SMIM17: variants seen among roughly 807,000 people sequenced by gnomAD.
SMIM17 encodes small integral membrane protein 17.
In SMIM17, 10 loss-of-function variants were observed where a neutral mutation model predicts 12.2. That is an observed-to-expected ratio of 0.82 (90% confidence interval 0.50 to 1.39). The LOEUF is 1.39. Ranked by LOEUF, SMIM17 falls within the 40% of genes most tolerant of loss-of-function variation. The pLI, the probability that SMIM17 is intolerant of heterozygous loss-of-function variation, is 0.00. For synonymous variants in SMIM17, 50 were observed against 44.1 expected (o/e 1.13, Z -0.53); for missense variants, 136 against 118.2 (o/e 1.15, Z -0.70).
At chr19:56,652,633 T>A (rs2148044068) in intron 3 of SMIM17, among the ~76,000 whole-genome samples, 1 of 149,622 alleles carries the variant, frequency 6.7e-6, no homozygotes, top group East Asian at 2.0e-4. Flanking sequence ...GCCTGGGCGA[T>A]ACAGCGAGAC....
Position 56,655,670 on chromosome 19 carries a change from A to C in SMIM17, c.*457A>C, listed in dbSNP as rs1158652942. On this transcript the variant is annotated 3_prime_UTR_variant, in exon 4 of 4. Coordinates refer to ENST00000598409, the MANE Select transcript of SMIM17 (RefSeq NM_001193628.2). ...ATTCTTGCCTCTATCTTCACATGTG[A>C]GATTGGTGCTATCTTTGTGAAGTTT... 6.3e-6 allele frequency: 1 copy of C among 159,218 alleles called. No individual in the cohort carries two copies. Among genetic ancestry groups the C allele is most frequent in the Non-Finnish European group, 1.4e-5 (1 of 73,022 alleles). 9.9% of individuals were successfully genotyped at this position (159,218 alleles called of 1,614,324 possible).
chr19:56,649,412 G>A (rs2045092397), intron 3 of SMIM17, among the ~76,000 whole-genome samples: 1 of 152,054 alleles, frequency 6.6e-6, no homozygotes, highest in African/African-American at 2.4e-5. Context: ...GGAGCTCACA[G>A]TCACCGAGGT....
intron 2 of SMIM17, among the ~76,000 whole-genome samples, 188 bp from the exon 3 acceptor site, chr19:56,647,370 T>G (rs201156933): frequency 1.0e-4 from 15 of 148,292 alleles, no homozygotes; most frequent in African/African-American, 2.4e-4. Flanking sequence ...TGTGTGTGTG[T>G]GGGGTTGTGT....
chr19:56,650,963 A>T (rs1423196910), intron 3 of SMIM17, among the ~76,000 whole-genome samples: 1 of 150,660 alleles, frequency 6.6e-6, no homozygotes, highest in Non-Finnish European at 1.5e-5. Context: ...GATGGAGCAC[A>T]CACCAGGGGG....
Position 56,654,668 on chromosome 19 carries a change from T to C in SMIM17, c.247-435T>C, listed in dbSNP as rs1244175626. On this transcript the variant is annotated intron_variant, in intron 3 of 3. Transcript: ENST00000598409. ...GGAAAACTGCATGAGGAGCTTTTTTTTGTGGGGGACATTACAATATTTGTT... is the reference window on the plus strand; with the variant it reads ...GGAAAACTGCATGAGGAGCTTTTTTCTGTGGGGGACATTACAATATTTGTT... 3.9e-5 allele frequency among the ~76,000 whole-genome samples: 6 copies of C among 152,004 alleles called. No individual in the cohort carries two copies. The East Asian group carries it at 7.7e-4, about 20-fold the overall frequency.
chr19:56,652,545 C>T lies in SMIM17; in HGVS notation c.247-2558C>T, dbSNP rs190598385. Among the ~76,000 whole-genome samples, 31 of 151,964 alleles carry T rather than the reference C, an allele frequency of 2.0e-4. No individual in the cohort carries two copies. In the East Asian group the frequency reaches 5.3e-3, roughly 26 times the overall value. On this transcript the variant is annotated intron_variant, in intron 3 of 3. Transcript: ENST00000598409. ...GCGGATGCCTGTAATCCCAGCTACT[C>T]GGGAGGCTGAGGCAGAGAATTGCTT...
rs10415644 is a variant in SMIM17 at position 56,656,013 on chromosome 19, G to A, written c.*800G>A. ...GTCACCCAGTCTGGAGTGCAGTGGC[G>A]CCATCTCGGCTCACTGTAAGCAGAG... On this transcript the variant is annotated 3_prime_UTR_variant, in exon 4 of 4. Transcript: ENST00000598409. Among the ~76,000 whole-genome samples the A allele has an allele frequency of 0.47, 69,379 of 148,396 alleles. 16,509 individuals are homozygous for A. The highest frequency in any genetic ancestry group is 0.64 in the East Asian group (3,181 of 5,008).
intron 1 of SMIM17, among the ~76,000 whole-genome samples, chr19:56,644,885 A>G (rs908592177): frequency 6.6e-6 from 1 of 152,196 alleles, no homozygotes; most frequent in Non-Finnish European, 1.5e-5. Flanking sequence ...GGATCCTTCC[A>G]ATATCTGAGA....
intron 3 of SMIM17, 137 bp downstream of exon 3, chr19:56,647,771 G>A: frequency 2.1e-5 from 15 of 725,070 alleles, no homozygotes; most frequent in Non-Finnish European, 3.0e-5. Flanking sequence ...TGATCTCTAT[G>A]GTGATCAGAC....
At chr19:56,645,973 G>T (rs1162158515) in intron 2 of SMIM17, 137 bp downstream of exon 2, 2 of 1,019,838 alleles carry the variant, frequency 2.0e-6, no homozygotes, top group Non-Finnish European at 2.7e-6. Flanking sequence ...GTCAGCTTTT[G>T]CTGTGTAACA....
chr19:56,649,272 G>T (rs12608576), intron 3 of SMIM17, among the ~76,000 whole-genome samples: 47,290 of 151,984 alleles, frequency 0.31, 8,872 homozygotes, highest in East Asian at 0.64. Flanking sequence ...TGGGAGGTTT[G>T]GGTGAAAATA....
chr19:56,648,131 T>TATCCATCC (rs35121437), intron 3 of SMIM17, among the ~76,000 whole-genome samples: 33 of 129,310 alleles, frequency 2.6e-4, no homozygotes, highest in African/African-American at 4.9e-4. Context: ...TTTATCCACT[T>TATCCATCC]ATCCATCCAT....
intron 3 of SMIM17, among the ~76,000 whole-genome samples, chr19:56,654,808 T>C (rs915420009): frequency 2.0e-5 from 3 of 152,312 alleles, no homozygotes; most frequent in Admixed American, 6.5e-5. Flanking sequence ...CACACACATA[T>C]CTCTTGAGGG....
At chr19:56,648,206 G>T (rs1212320598) in intron 3 of SMIM17, among the ~76,000 whole-genome samples, 2 of 129,140 alleles carry the variant, frequency 1.5e-5, no homozygotes, top group African/African-American at 6.1e-5. Context: ...CTATACCTCA[G>T]CTGTCTATCC....
Position 56,647,554 on chromosome 19 carries a change from C to G in SMIM17, c.170-4C>G. 1 of 1,535,362 alleles carries G rather than the reference C, an allele frequency of 6.5e-7. No individual in the cohort carries two copies. The highest frequency in any genetic ancestry group is 8.7e-7 in the Non-Finnish European group (1 of 1,146,510). ...CTTTTTCCTCCACTCCCACCCTCAC[C>G]CAGACCTGTCTTCTCAAGAGACTGG... On this transcript the variant is annotated splice_region_variant and splice_polypyrimidine_tract_variant and intron_variant, in intron 2 of 3. Transcript: ENST00000598409.
At chr19:56,645,918 T>A in intron 2 of SMIM17, 82 bp downstream of exon 2, 1 of 1,363,072 alleles carries the variant, frequency 7.3e-7, no homozygotes, top group Non-Finnish European at 9.7e-7. Flanking sequence ...AAACATTCAC[T>A]CCTTCACTCA....
At chr19:56,645,237 GTGTA>G (rs1439638341) in intron 1 of SMIM17, among the ~76,000 whole-genome samples, 4 of 152,056 alleles carry the variant, frequency 2.6e-5, no homozygotes, top group Non-Finnish European at 5.9e-5. Context: ...GTTAGTGTGT[GTGTA>G]TGTGACTGTG....
rs10413937 is a variant in SMIM17 at position 56,655,465 on chromosome 19, A to G, written c.*252A>G. 0.074 allele frequency: 30,069 copies of G among 408,390 alleles called. 1,795 individuals carry two copies. Among genetic ancestry groups the G allele is most frequent in the African/African-American group, 0.22 (10,795 of 48,918 alleles). 25.3% of individuals were successfully genotyped at this position (408,390 alleles called of 1,614,324 possible). A position where few individuals can be genotyped will look rare whatever the true frequency, so the allele number is the denominator to read the frequency against. ...CACGGAGAAAGAAAAGTGCTAATTA[A>G]TCATTAAGATGCCACCAACTGGAAG... On this transcript the variant is annotated 3_prime_UTR_variant, in exon 4 of 4. Transcript: ENST00000598409.
At position 56,655,470 on chromosome 19, in the gene SMIM17, T is replaced by A; in HGVS notation, c.*257T>A. 9.8e-6 allele frequency: 4 copies of A among 406,842 alleles called. No homozygotes were observed. The highest frequency in any genetic ancestry group is 4.3e-6 in the Non-Finnish European group (1 of 231,156). The allele number at this position is 406,842 out of a possible 1,614,324, so 25.2% of individuals were successfully genotyped here. A position where few individuals can be genotyped will look rare whatever the true frequency, so the allele number is the denominator to read the frequency against. On this transcript the variant is annotated 3_prime_UTR_variant, in exon 4 of 4. Coordinates refer to ENST00000598409, the MANE Select transcript of SMIM17 (RefSeq NM_001193628.2). Reference sequence around the variant, plus strand: ...AGAAAGAAAAGTGCTAATTAATCATTAAGATGCCACCAACTGGAAGATATC... The same window carrying A: ...AGAAAGAAAAGTGCTAATTAATCATAAAGATGCCACCAACTGGAAGATATC...
Sources: gnomAD v4.1 joint callset for allele counts (sites outside exome capture counted in the v4.1 genomes callset) on GRCh38, gnomAD v4.1.1 for gene constraint, MANE v1.5 for transcripts, NCBI Gene and HGNC (gene_info 2026-07-23, HGNC 2026-07-21) for gene names.